Variants in SYNDIG1 observed in about 807,000 individuals in gnomAD.
SYNDIG1 encodes the protein synapse differentiation-inducing gene protein 1.
A neutral mutation model predicts 19.4 loss-of-function variants in SYNDIG1; 9 were observed. The ratio of observed to expected loss-of-function variants is 0.46; its 90% CI spans 0.28 to 0.81. The LOEUF is 0.81. SYNDIG1 is among the 30% of genes least tolerant of loss of function. The probability of loss-of-function intolerance (pLI) is 0.12; values close to 1 mark genes in which losing one functional copy is unlikely to be tolerated. For missense variants in SYNDIG1, 311 were observed against 343.3 expected, an observed-to-expected ratio of 0.91 and a Z score of 0.74; for synonymous variants, 141 against 145.9, an observed-to-expected ratio of 0.97 and a Z score of 0.24.
At chr20:24,608,339 CA>C (rs2058794202) in intron 3 of SYNDIG1, among the ~76,000 whole-genome samples, 1 of 152,114 alleles carries the variant, frequency 6.6e-6, no homozygotes, top group Non-Finnish European at 1.5e-5. Context: ...CCATCATGCC[CA>C]GCTAATTTTA....
intron 3 of SYNDIG1, among the ~76,000 whole-genome samples, chr20:24,599,300 C>A (rs2058643085): frequency 6.6e-6 from 1 of 152,134 alleles, no homozygotes; most frequent in African/African-American, 2.4e-5. Flanking sequence ...CATCTTATCC[C>A]AGTCAGAATG....
At chr20:24,613,365 TGTCCTGCC>T (rs2058878963) in intron 3 of SYNDIG1, among the ~76,000 whole-genome samples, 2 of 152,174 alleles carry the variant, frequency 1.3e-5, no homozygotes, top group South Asian at 4.2e-4. Flanking sequence ...AGCCGCTCTC[TGTCCTGCC>T]GTCTCCCTGA....
chr20:24,521,533 C>T (rs957352490), intron 1 of SYNDIG1, among the ~76,000 whole-genome samples: 2 of 150,690 alleles, frequency 1.3e-5, no homozygotes, highest in African/African-American at 4.9e-5. Context: ...AGTTTCTCTA[C>T]AATAATATGA....
chr20:24,546,524 G>A (rs117258810), intron 2 of SYNDIG1, among the ~76,000 whole-genome samples: 364 of 152,306 alleles, frequency 2.4e-3, no homozygotes, highest in Non-Finnish European at 4.3e-3. Context: ...CAGTGACAGA[G>A]GTAACTGCAT....
chr20:24,616,202 T>C (rs893613997), intron 3 of SYNDIG1, among the ~76,000 whole-genome samples: 1 of 152,228 alleles, frequency 6.6e-6, no homozygotes, highest in Non-Finnish European at 1.5e-5. Context: ...TCTATTTCAA[T>C]ATATTTGGTT....
intron 1 of SYNDIG1, among the ~76,000 whole-genome samples, chr20:24,490,953 C>T (rs1407229780): frequency 2.0e-5 from 3 of 152,190 alleles, no homozygotes; most frequent in Non-Finnish European, 4.4e-5. Context: ...TTTTAGAGCC[C>T]AGCGGCAGTA....
chr20:24,526,285 T>C (rs538790757), intron 1 of SYNDIG1, among the ~76,000 whole-genome samples: 2 of 151,560 alleles, frequency 1.3e-5, no homozygotes, highest in Non-Finnish European at 2.9e-5. Context: ...TTTTTTTTTA[T>C]GTTTCATTTT....
chr20:24,543,670 A>G (rs1247466712), intron 2 of SYNDIG1, 93 bp downstream of exon 2: 7 of 1,516,926 alleles, frequency 4.6e-6, no homozygotes, highest in Non-Finnish European at 6.2e-6. Flanking sequence ...AAAGTTAGGG[A>G]ATGAAACTAG....
chr20:24,625,974 CGGCTGGCCAGGCGGGG>C (rs2059119752), intron 3 of SYNDIG1, among the ~76,000 whole-genome samples: 1 of 150,090 alleles, frequency 6.7e-6, no homozygotes, highest in South Asian at 2.1e-4. Flanking sequence ...CCGGATGGGG[CGGCTGGCCAGGCGGGG>C]GGCTGGCCCC....
intron 1 of SYNDIG1, among the ~76,000 whole-genome samples, chr20:24,514,999 A>G (rs975623863): frequency 3.3e-5 from 5 of 152,250 alleles, no homozygotes; most frequent in Non-Finnish European, 5.9e-5. Context: ...CTACATGGAA[A>G]CTGAATAACC....
At chr20:24,551,367 T>C (rs2057703050) in intron 2 of SYNDIG1, among the ~76,000 whole-genome samples, 2 of 152,270 alleles carry the variant, frequency 1.3e-5, no homozygotes, top group South Asian at 4.1e-4. Flanking sequence ...TAATTTAAGT[T>C]TCTCTATTTC....
intron 1 of SYNDIG1, among the ~76,000 whole-genome samples, chr20:24,517,550 C>T (rs1159159320): frequency 1.5e-4 from 22 of 146,358 alleles, no homozygotes; most frequent in African/African-American, 5.5e-4. Flanking sequence ...ACCTGGGAGG[C>T]GGAGCTTGCA....
rs1340683865 is a variant in SYNDIG1, at chr20:24,543,574, G to A, written c.477G>A (p.Leu159=). The change falls in exon 2 of 4, where the codon CTG becomes CTA. Residue 159 remains leucine, a synonymous_variant. Coordinates refer to ENST00000376862, the MANE Select transcript of SYNDIG1 (RefSeq NM_024893.3). ...DVEEEEEFQE[L]ESDYSSDTES... The stretch of plus-strand genomic sequence containing the variant: ...AGGAGGAGGAGGAGTTCCAGGAGCT[G>A]GAGGTCACAGGATGTGTTTGTCAGA... 1.0e-5 allele frequency: 16 copies of A among 1,598,536 alleles called. No individual in the cohort carries two copies. Among genetic ancestry groups the A allele is most frequent in the Non-Finnish European group, 1.4e-5 (16 of 1,178,410 alleles).
intron 1 of SYNDIG1, among the ~76,000 whole-genome samples, chr20:24,519,202 A>T (rs1422050985): frequency 6.6e-6 from 1 of 152,140 alleles, no homozygotes; most frequent in Non-Finnish European, 1.5e-5. Context: ...GCAGTGTGAG[A>T]GTTTATGATG....
Position 24,611,534 on chromosome 20 carries a change from G to T in SYNDIG1, c.618+26541G>T, listed in dbSNP as rs1266983769. 2.0e-5 allele frequency among the ~76,000 whole-genome samples: 3 copies of T among 151,946 alleles called. No individual in the cohort carries two copies. In the East Asian group the frequency reaches 5.8e-4, roughly 29 times the overall value. The stretch of plus-strand genomic sequence containing the variant: ...CCATAGCTGGACCATCCTCCCCACG[G>T]GGTCTCGGGAGGGTCACACCCTCCC... On this transcript the variant is annotated intron_variant, in intron 3 of 3. Transcript: ENST00000376862.
chr20:24,562,372 T>C (rs6083557), intron 2 of SYNDIG1, among the ~76,000 whole-genome samples: 11,626 of 152,314 alleles, frequency 0.076, 567 homozygotes, highest in South Asian at 0.13. Context: ...CAAAAATATT[T>C]TGTGAAATAT....
At chr20:24,494,009 C>A (rs541773849) in intron 1 of SYNDIG1, among the ~76,000 whole-genome samples, 2 of 152,336 alleles carry the variant, frequency 1.3e-5, no homozygotes, top group Non-Finnish European at 2.9e-5. Context: ...CTTTTGAGAT[C>A]CCTGGCTCTG....
At chr20:24,517,315 AT>A (rs1200898691) in intron 1 of SYNDIG1, among the ~76,000 whole-genome samples, 37 of 150,908 alleles carry the variant, frequency 2.5e-4, no homozygotes, top group Admixed American at 2.3e-3. Context: ...AAAAAAATAA[AT>A]AAATAAATAT....
intron 3 of SYNDIG1, among the ~76,000 whole-genome samples, chr20:24,662,735 C>G (rs889526799): frequency 1.3e-5 from 2 of 152,268 alleles, no homozygotes; most frequent in Non-Finnish European, 2.9e-5. Context: ...ACCGCCTGCA[C>G]TTATTTTCCA....
Sources: allele counts gnomAD v4.1 joint callset (sites outside exome capture counted in the v4.1 genomes callset), GRCh38; gene constraint gnomAD v4.1.1; transcripts MANE v1.5; gene names NCBI Gene and HGNC (gene_info 2026-07-23, HGNC 2026-07-21).